Variants in ETV5 observed in about 807,000 individuals in gnomAD.
ETV5 encodes the protein ETS translocation variant 5.
Under a neutral mutation model 70.0 loss-of-function variants are expected in ETV5, and 10 were observed. The ratio of observed to expected loss-of-function variants is 0.14; its 90% CI spans 0.09 to 0.24. The LOEUF (loss-of-function observed/expected upper bound fraction) is 0.24, where lower values mean the gene tolerates loss of function less well. Ranked by LOEUF, ETV5 falls within the 10% of genes least tolerant of loss-of-function variation. The pLI, the probability that ETV5 is intolerant of heterozygous loss-of-function variation, is 1.00. For synonymous variants in ETV5, 216 were observed against 242.2 expected (o/e 0.89, Z 1.01); for missense variants, 453 against 651.2 (o/e 0.70, Z 3.31).
Position 186,090,098 on chromosome 3 carries a change from T to C in ETV5, c.233-8923A>G, listed in dbSNP as rs114841195. 5.3e-3 allele frequency among the ~76,000 whole-genome samples: 805 copies of C among 152,078 alleles called. 3 individuals carry two copies. Among genetic ancestry groups the C allele is most frequent in the African/African-American group, 0.019 (779 of 41,316 alleles). On this transcript the variant is annotated intron_variant, in intron 5 of 12. Transcript: ENST00000306376. ...CTATTATGTCCCATTTCCTCTGAGA[T>C]ATTTGGAGGAAAAAAAATCCTTTAT...
At chr3:186,091,339 G>A (rs1714178267) in intron 5 of ETV5, among the ~76,000 whole-genome samples, 1 of 152,146 alleles carries the variant, frequency 6.6e-6, no homozygotes, top group Non-Finnish European at 1.5e-5. Context: ...TGACTCTGGG[G>A]TATTTTTGCT....
In ETV5 at chr3:186,048,613, G is replaced by C; in HGVS notation, c.*26C>G. The stretch of plus-strand genomic sequence containing the variant: ...CTGAATGGGAACTGCTAGCTCTAGG[G>C]TTTGGCCACTCCGCCACTCAGAAAC... On this transcript the variant is annotated 3_prime_UTR_variant, in exon 13 of 13. Transcript: ENST00000306376. The C allele has an allele frequency of 6.2e-7, 1 of 1,603,194 alleles. No homozygotes were observed. The highest frequency in any genetic ancestry group is 8.5e-7 in the Non-Finnish European group (1 of 1,170,142).
At chr3:186,069,987 T>C (rs1271220708) in intron 7 of ETV5, among the ~76,000 whole-genome samples, 1 of 151,918 alleles carries the variant, frequency 6.6e-6, no homozygotes, top group Non-Finnish European at 1.5e-5. Flanking sequence ...TTTTTTTGTA[T>C]TTTTAGTAGA....
Position 186,105,744 on chromosome 3 carries a change from A to G in ETV5, c.46-32T>C. The G allele has an allele frequency of 1.9e-6, 3 of 1,613,578 alleles. No individual in the cohort carries two copies. The highest frequency in any genetic ancestry group is 8.5e-7 in the Non-Finnish European group (1 of 1,179,462). ...GAGGCCAACAGAAAGTGAAGGCTCA[A>G]GTGTAGTAAAGAGGTCCACAGGGGG... On this transcript the variant is annotated intron_variant, in intron 2 of 12. Coordinates refer to ENST00000306376, the MANE Select transcript of ETV5 (RefSeq NM_004454.3). The surrounding 1 kb of genome is among the most constrained non-coding windows in gnomAD (Gnocchi z 4.5).
At chr3:186,082,488 C>T (rs942663596) in intron 5 of ETV5, among the ~76,000 whole-genome samples, 6 of 148,630 alleles carry the variant, frequency 4.0e-5, no homozygotes, top group South Asian at 2.1e-4. Context: ...CGTGCAATGG[C>T]GTGATCACTG....
intron 5 of ETV5, chr3:186,104,942 A>G (rs1166440635): frequency 6.1e-6 from 1 of 164,822 alleles, no homozygotes; most frequent in African/African-American, 2.4e-5. Context: ...GGGTTTCACC[A>G]TATTGGCCAG....
rs1164069744 is a variant in ETV5, at chr3:186,048,401, A to C, written c.*238T>G. The C allele has an allele frequency of 1.8e-6, 1 of 550,934 alleles. No individual in the cohort carries two copies. Among genetic ancestry groups the C allele is most frequent in the African/African-American group, 1.9e-5 (1 of 53,114 alleles). 34.1% of individuals were successfully genotyped at this position (550,934 alleles called of 1,614,324 possible). ...ATTTTGATCTCTTCCCAGAAACCTC[A>C]TCAGAATCAAGAGTTGAGGCACTGG... On this transcript the variant is annotated 3_prime_UTR_variant, in exon 13 of 13. Coordinates refer to ENST00000306376, the MANE Select transcript of ETV5 (RefSeq NM_004454.3).
At chr3:186,069,803 A>G (rs1387547348) in intron 7 of ETV5, among the ~76,000 whole-genome samples, 1 of 151,944 alleles carries the variant, frequency 6.6e-6, no homozygotes, top group African/African-American at 2.4e-5. Flanking sequence ...CCAGCTGATG[A>G]AGGTATTCTT....
intron 5 of ETV5, among the ~76,000 whole-genome samples, chr3:186,102,240 CTCTT>C (rs1257990672): frequency 3.9e-5 from 6 of 151,970 alleles, no homozygotes; most frequent in Non-Finnish European, 8.8e-5. Context: ...CTTAGTATTT[CTCTT>C]TCTTTCATGT....
intron 5 of ETV5, among the ~76,000 whole-genome samples, chr3:186,099,595 C>A (rs923733640): frequency 3.3e-5 from 5 of 152,146 alleles, no homozygotes; most frequent in Non-Finnish European, 7.3e-5. Flanking sequence ...AACAGTTTCT[C>A]GGCAGAGAAT....
At chr3:186,071,191 C>A (rs1230744324) in intron 7 of ETV5, among the ~76,000 whole-genome samples, 4 of 151,480 alleles carry the variant, frequency 2.6e-5, no homozygotes, top group Non-Finnish European at 5.9e-5. Flanking sequence ...AAACACAATG[C>A]TCACAGGAAA....
chr3:186,097,102 G>T (rs908206214), intron 5 of ETV5, among the ~76,000 whole-genome samples: 2 of 152,118 alleles, frequency 1.3e-5, no homozygotes, highest in African/African-American at 4.8e-5. Flanking sequence ...GCATGATGAG[G>T]CTACTTTGGT....
Position 186,046,909 on chromosome 3 carries a change from A to G in ETV5, c.*1730T>C, listed in dbSNP as rs1578532177. On this transcript the variant is annotated 3_prime_UTR_variant, in exon 13 of 13. Coordinates refer to ENST00000306376, the MANE Select transcript of ETV5 (RefSeq NM_004454.3). ...ACCTTTGTGGGCTAATTAGCTTCCA[A>G]TAGAGGAGAATCTCATGTTTCCATA... 3.0e-5 allele frequency: 7 copies of G among 230,822 alleles called. No individual in the cohort carries two copies. In the East Asian group the frequency reaches 4.3e-4, roughly 14 times the overall value. 14.3% of individuals were successfully genotyped at this position (230,822 alleles called of 1,614,324 possible). A position where few individuals can be genotyped will look rare whatever the true frequency, so the allele number is the denominator to read the frequency against.
chr3:186,093,528 C>T (rs561556165), intron 5 of ETV5, among the ~76,000 whole-genome samples: 76 of 152,266 alleles, frequency 5.0e-4, no homozygotes, highest in African/African-American at 1.7e-3. Flanking sequence ...GCAGAACCAG[C>T]ACAGGGTATC....
At chr3:186,081,019 T>G in intron 6 of ETV5, 27 bp downstream of exon 6, 1 of 1,587,300 alleles carries the variant, frequency 6.3e-7, no homozygotes, top group Non-Finnish European at 8.6e-7. Flanking sequence ...CTGGGCAGCC[T>G]TTCTTCGACT....
intron 6 of ETV5, chr3:186,080,574 A>G: frequency 4.3e-6 from 1 of 232,270 alleles, no homozygotes. Flanking sequence ...ATCTATGTTT[A>G]TCTTCTAGAG....
chr3:186,108,401 C>T (rs1375585571), intron 1 of ETV5: 2 of 790,412 alleles, frequency 2.5e-6, no homozygotes, highest in East Asian at 6.3e-5. Flanking sequence ...CCACCTGAAA[C>T]TTGCAAGGCC....
chr3:186,081,816 C>T (rs1713940666), intron 5 of ETV5, among the ~76,000 whole-genome samples: 1 of 152,206 alleles, frequency 6.6e-6, no homozygotes, highest in East Asian at 1.9e-4. Context: ...AAGCAGAAAG[C>T]CTGGCTACCT....
chr3:186,092,877 G>C (rs1301317129), intron 5 of ETV5, among the ~76,000 whole-genome samples: 2 of 152,128 alleles, frequency 1.3e-5, no homozygotes, highest in Non-Finnish European at 2.9e-5. Context: ...GCTGACGATA[G>C]CAACATGGGT....
Sources: allele counts gnomAD v4.1 joint callset (sites outside exome capture counted in the v4.1 genomes callset), GRCh38; gene constraint gnomAD v4.1.1; non-coding constraint Gnocchi (gnomAD v3.1); transcripts MANE v1.5; gene names NCBI Gene and HGNC (gene_info 2026-07-23, HGNC 2026-07-21).